The following NCOA1 variants were observed in gnomAD, a reference collection of about 807,000 sequenced individuals.
NCOA1 encodes Hin-2 protein.
Under a neutral mutation model 150.9 loss-of-function variants are expected in NCOA1, and 35 were observed. That is an observed-to-expected ratio of 0.23 (90% CI 0.18 to 0.31). The LOEUF is 0.31. NCOA1 is among the 10% of genes least tolerant of loss of function. The probability of loss-of-function intolerance (pLI) is 1.00; values close to 1 mark genes in which losing one functional copy is unlikely to be tolerated. For missense variants in NCOA1, 1,491 were observed against 1,749.3 expected (o/e 0.85, Z 2.63); for synonymous variants, 590 against 630.0 (o/e 0.94, Z 0.95).
chr2:24,534,017 A>T (rs1665012456), intron 1 of NCOA1, among the ~76,000 whole-genome samples: 1 of 152,146 alleles, frequency 6.6e-6, no homozygotes, highest in Admixed American at 6.5e-5. Flanking sequence ...AGAAGGAATG[A>T]TACCAGCTCC....
chr2:24,567,057 T>A (rs748062720), intron 2 of NCOA1, among the ~76,000 whole-genome samples: 4 of 152,238 alleles, frequency 2.6e-5, no homozygotes, highest in Non-Finnish European at 4.4e-5. Flanking sequence ...CTTACCCCAC[T>A]GCAGCTGCTC....
At chr2:24,607,647 G>C (rs543681817) in intron 3 of NCOA1, among the ~76,000 whole-genome samples, 1 of 151,518 alleles carries the variant, frequency 6.6e-6, no homozygotes, top group Non-Finnish European at 1.5e-5. Flanking sequence ...CCAAAATAGT[G>C]CTACTGCACT....
At chr2:24,622,617 C>A (rs1669219876) in intron 3 of NCOA1, among the ~76,000 whole-genome samples, 1 of 152,202 alleles carries the variant, frequency 6.6e-6, no homozygotes, top group Non-Finnish European at 1.5e-5. Flanking sequence ...TTTCCCTAGA[C>A]CCTTACCAGT....
intron 14 of NCOA1, among the ~76,000 whole-genome samples, chr2:24,723,741 T>G (rs1011565308): frequency 2.0e-5 from 3 of 152,214 alleles, no homozygotes; most frequent in African/African-American, 7.2e-5. Flanking sequence ...TTTATCCTAT[T>G]GATTTATAGA....
chr2:24,740,583 A>G (rs564836564), intron 18 of NCOA1, among the ~76,000 whole-genome samples: 1 of 152,324 alleles, frequency 6.6e-6, no homozygotes, highest in South Asian at 2.1e-4. Context: ...TCTTATTACT[A>G]AAATGTCTTA....
intron 3 of NCOA1, among the ~76,000 whole-genome samples, chr2:24,639,860 C>A (rs142954041): frequency 2.8e-5 from 4 of 141,828 alleles, no homozygotes; most frequent in African/African-American, 1.0e-4. Context: ...TGCACTCCAG[C>A]CCGGGCGACA....
intron 2 of NCOA1, among the ~76,000 whole-genome samples, chr2:24,575,083 CT>C (rs34166388): frequency 0.81 from 122,384 of 151,600 alleles, 51,276 homozygotes; most frequent in East Asian, 0.99. Flanking sequence ...TGTTTTTTAT[CT>C]TTTTTTTTCC....
At chr2:24,677,276 A>G (rs1671954775) in intron 7 of NCOA1, among the ~76,000 whole-genome samples, 1 of 152,124 alleles carries the variant, frequency 6.6e-6, no homozygotes, top group Admixed American at 6.5e-5. Flanking sequence ...CCCGGGAGGC[A>G]GAGGTTCCAG....
chr2:24,634,697 C>T (rs1669855038), intron 3 of NCOA1, among the ~76,000 whole-genome samples: 3 of 134,176 alleles, frequency 2.2e-5, no homozygotes, highest in Non-Finnish European at 4.8e-5. Flanking sequence ...CCCTGGATTC[C>T]TAGGGGAGGA....
intron 14 of NCOA1, among the ~76,000 whole-genome samples, chr2:24,726,212 T>C (rs1674614581): frequency 6.6e-6 from 1 of 152,140 alleles, no homozygotes; most frequent in African/African-American, 2.4e-5. Context: ...CTCACCACTC[T>C]TATTTCGTGG....
At chr2:24,606,383 C>A (rs1259120562) in intron 3 of NCOA1, among the ~76,000 whole-genome samples, 1 of 151,900 alleles carries the variant, frequency 6.6e-6, no homozygotes, top group Non-Finnish European at 1.5e-5. Context: ...ATTACAGGCG[C>A]CTGCCACCAT....
chr2:24,623,467 C>G (rs750339035), intron 3 of NCOA1, among the ~76,000 whole-genome samples: 1 of 152,156 alleles, frequency 6.6e-6, no homozygotes, highest in Non-Finnish European at 1.5e-5. Flanking sequence ...CTCCAGATCT[C>G]TGTCTTTGTC....
At chr2:24,622,078 G>A (rs868323409) in intron 3 of NCOA1, among the ~76,000 whole-genome samples, 4 of 152,190 alleles carry the variant, frequency 2.6e-5, no homozygotes, top group South Asian at 2.1e-4. Context: ...AATAGATGAT[G>A]AACATAGGAG....
rs71397440 is a variant in NCOA1 at position 24,570,051 on chromosome 2, CTT to C, written c.-260+5640_-260+5641del. Among the ~76,000 whole-genome samples the C allele has an allele frequency of 1.5e-3, 184 of 122,098 alleles. 1 individual carries two copies. Among genetic ancestry groups the C allele is most frequent in the African/African-American group, 3.5e-3 (113 of 32,666 alleles). The allele number at this position is 122,098 out of a possible 152,430, so 80.1% of individuals were successfully genotyped here. On this transcript the variant is annotated intron_variant, in intron 2 of 22. Transcript: ENST00000348332. ...AATTTCCAGCTTTAAGTGGTATATA[CTT>C]TTTTTTTTTTTTTTTTTTAGCATTC...
intron 11 of NCOA1, 80 bp from the exon 12 acceptor site, chr2:24,705,006 A>C: frequency 6.8e-7 from 1 of 1,462,310 alleles, no homozygotes. Context: ...TGAGGTTCTA[A>C]GTAGAAATAA....
chr2:24,715,431 G>C (rs1673977147), intron 14 of NCOA1, among the ~76,000 whole-genome samples: 1 of 152,136 alleles, frequency 6.6e-6, no homozygotes, highest in Admixed American at 6.5e-5. Context: ...TTTGAGGCTA[G>C]AGGCTAAAGT....
intron 3 of NCOA1, among the ~76,000 whole-genome samples, chr2:24,607,417 C>T (rs1011397197): frequency 1.4e-4 from 20 of 146,300 alleles, no homozygotes; most frequent in Admixed American, 8.2e-4. Context: ...GCTGGGCGCA[C>T]GGTGGCTCAC....
At chr2:24,694,152 A>G (rs958925788) in intron 10 of NCOA1, among the ~76,000 whole-genome samples, 1 of 152,246 alleles carries the variant, frequency 6.6e-6, no homozygotes, top group Non-Finnish European at 1.5e-5. Flanking sequence ...CAGACTGCCT[A>G]TAAATAAGGC....
At chr2:24,537,759 G>A (rs1414312575) in intron 1 of NCOA1, among the ~76,000 whole-genome samples, 1 of 151,986 alleles carries the variant, frequency 6.6e-6, no homozygotes, top group East Asian at 1.9e-4. Context: ...AGTATGTGAG[G>A]TAATAAGTTA....
Sources: allele counts gnomAD v4.1 joint callset (sites outside exome capture counted in the v4.1 genomes callset), GRCh38; gene constraint gnomAD v4.1.1; transcripts MANE v1.5; gene names NCBI Gene and HGNC (gene_info 2026-07-23, HGNC 2026-07-21).